VWA8: variants seen among roughly 807,000 people sequenced by gnomAD.
VWA8 encodes von Willebrand factor A domain-containing protein 8.
Under a neutral mutation model 241.5 loss-of-function variants are expected in VWA8, and 221 were observed. The observed-to-expected ratio is 0.91, with a 90% confidence interval of 0.82 to 1.02. The LOEUF (loss-of-function observed/expected upper bound fraction) is 1.02, where lower values mean the gene tolerates loss of function less well. Ranked by LOEUF, VWA8 falls within the 50% of genes least tolerant of loss-of-function variation. The pLI is 0.00. For missense variants in VWA8, 2,322 were observed against 2,328.7 expected, an observed-to-expected ratio of 1.00 and a Z score of 0.06; for synonymous variants, 852 against 827.1, an observed-to-expected ratio of 1.03 and a Z score of -0.52.
At position 41,614,982 on chromosome 13, in the gene VWA8, C is replaced by T. The variant is rs756577838; in HGVS notation, c.4714G>A (p.Gly1572Arg). 18 of 1,613,004 alleles carry T rather than the reference C, an allele frequency of 1.1e-5. No individual in the cohort carries two copies. The highest frequency in any genetic ancestry group is 2.7e-5 in the African/African-American group (2 of 74,884). ...PHVGGNTWAG[G>R]TGGRDTAGLG... ...GAATGCCTGTGCTACCAACCTGTTC[C>T]GCCAGCCCAAGTGTTGCCGCCCACG... Residue 1572 changes from glycine (G) to arginine (R), a missense_variant, in exon 38 of 45, where the codon GGA becomes AGA. Coordinates refer to ENST00000379310, the MANE Select transcript of VWA8 (RefSeq NM_015058.2).
At chr13:41,627,429 G>A (rs2044699222) in intron 37 of VWA8, among the ~76,000 whole-genome samples, 1 of 152,192 alleles carries the variant, frequency 6.6e-6, no homozygotes, top group East Asian at 1.9e-4. Flanking sequence ...TGGTGAACCA[G>A]CCAGGAGGAA....
chr13:41,847,229 CAGG>C (rs1350146830), intron 12 of VWA8, among the ~76,000 whole-genome samples: 1 of 151,844 alleles, frequency 6.6e-6, no homozygotes, highest in Non-Finnish European at 1.5e-5. Flanking sequence ...GGAAAGGAGA[CAGG>C]AGGAGAAGAA....
chr13:41,785,800 A>C (rs1869164585), intron 18 of VWA8, among the ~76,000 whole-genome samples: 1 of 152,046 alleles, frequency 6.6e-6, no homozygotes, highest in Non-Finnish European at 1.5e-5. Flanking sequence ...CCCAGTATAA[A>C]ACTGTAAAGG....
intron 34 of VWA8, among the ~76,000 whole-genome samples, chr13:41,685,587 T>G (rs966170865): frequency 2.0e-5 from 3 of 152,070 alleles, no homozygotes; most frequent in Admixed American, 6.6e-5. Flanking sequence ...ATAAATAAAG[T>G]CATTTGGATG....
chr13:41,924,754 ACTTT>A (rs1260982516), intron 2 of VWA8, among the ~76,000 whole-genome samples: 1 of 143,458 alleles, frequency 7.0e-6, no homozygotes, highest in Non-Finnish European at 1.6e-5. Flanking sequence ...TCTCTGAAGC[ACTTT>A]CTTTTTTTTT....
chr13:41,878,853 G>A (rs933148940), intron 9 of VWA8, among the ~76,000 whole-genome samples: 2 of 152,120 alleles, frequency 1.3e-5, no homozygotes, highest in African/African-American at 4.8e-5. Flanking sequence ...TGTATGACTA[G>A]TTTTGAAATT....
chr13:41,666,839 C>G (rs1248002241), intron 37 of VWA8, among the ~76,000 whole-genome samples: 1 of 152,140 alleles, frequency 6.6e-6, no homozygotes, highest in Non-Finnish European at 1.5e-5. Context: ...TGAAACCCAG[C>G]TCTACTGACA....
intron 12 of VWA8, among the ~76,000 whole-genome samples, chr13:41,849,886 CAAA>C (rs201079950): frequency 7.6e-6 from 1 of 130,872 alleles, no homozygotes. Context: ...GACTCTGTCT[CAAA>C]AAAAAAAAAG....
At chr13:41,729,110 A>C (rs948823766) in intron 23 of VWA8, among the ~76,000 whole-genome samples, 2 of 152,088 alleles carry the variant, frequency 1.3e-5, no homozygotes, top group Non-Finnish European at 2.9e-5. Flanking sequence ...ACTTCTTCCT[A>C]AGGTAGGAGT....
At chr13:41,913,414 G>C (rs1163099099) in intron 2 of VWA8, among the ~76,000 whole-genome samples, 2 of 152,148 alleles carry the variant, frequency 1.3e-5, no homozygotes, top group South Asian at 2.1e-4. Context: ...GACAGACACA[G>C]ACATCTGTAT....
intron 4 of VWA8, among the ~76,000 whole-genome samples, chr13:41,905,486 A>G (rs1344278382): frequency 2.6e-5 from 4 of 152,126 alleles, no homozygotes; most frequent in Non-Finnish European, 5.9e-5. Context: ...AAATTTGACT[A>G]TAAATTATTT....
At chr13:41,883,892 G>C (rs1018880440) in intron 8 of VWA8, among the ~76,000 whole-genome samples, 1 of 152,144 alleles carries the variant, frequency 6.6e-6, no homozygotes, top group Admixed American at 6.5e-5. Flanking sequence ...TTATTCCTAA[G>C]TTAATCTCAT....
At chr13:41,699,830 GT>G (rs1417359008) in intron 28 of VWA8, among the ~76,000 whole-genome samples, 2 of 151,900 alleles carry the variant, frequency 1.3e-5, no homozygotes, top group African/African-American at 4.8e-5. Context: ...TTCAATCTGG[GT>G]ACCTAAGTCC....
At chr13:41,950,912 G>A (rs1350553173) in intron 1 of VWA8, among the ~76,000 whole-genome samples, 4 of 150,818 alleles carry the variant, frequency 2.7e-5, no homozygotes, top group Non-Finnish European at 4.4e-5. Context: ...CAAGTGATCC[G>A]CCCACCTCGG....
intron 12 of VWA8, among the ~76,000 whole-genome samples, chr13:41,849,236 A>G (rs141117675): frequency 2.0e-4 from 31 of 152,340 alleles, no homozygotes; most frequent in Non-Finnish European, 3.7e-4. Context: ...TACAAAACTA[A>G]GCATTTAGGA....
At chr13:41,761,988 C>G (rs1249751307) in intron 20 of VWA8, among the ~76,000 whole-genome samples, 1 of 152,056 alleles carries the variant, frequency 6.6e-6, no homozygotes, top group Non-Finnish European at 1.5e-5. Context: ...ATCATACATG[C>G]TAGCAAAAAT....
chr13:41,670,874 G>T, intron 37 of VWA8, 72 bp downstream of exon 37: 1 of 1,554,726 alleles, frequency 6.4e-7, no homozygotes. Context: ...AAATTTTCAT[G>T]ACTGTGGCAT....
intron 3 of VWA8, among the ~76,000 whole-genome samples, chr13:41,909,950 C>T (rs1219100550): frequency 2.0e-5 from 3 of 152,182 alleles, no homozygotes; most frequent in African/African-American, 7.2e-5. Context: ...TTAAAGATCT[C>T]ATCCACTCTG....
intron 37 of VWA8, among the ~76,000 whole-genome samples, chr13:41,629,060 GCAAA>G (rs560949102): frequency 1.1e-4 from 17 of 151,740 alleles, no homozygotes; most frequent in Middle Eastern, 3.4e-3. Context: ...ACAAAAACAA[GCAAA>G]CAAACAAACA....
Sources: gnomAD v4.1 joint callset for allele counts (sites outside exome capture counted in the v4.1 genomes callset) on GRCh38, gnomAD v4.1.1 for gene constraint, MANE v1.5 for transcripts, NCBI Gene and HGNC (gene_info 2026-07-23, HGNC 2026-07-21) for gene names.